The following ARL13A variants were observed in gnomAD, a reference collection of about 807,000 sequenced individuals.
The protein encoded by ARL13A is ARF like GTPase 13A, also known as ADP-ribosylation factor-like protein 13A.
A neutral mutation model predicts 19.1 loss-of-function variants in ARL13A; 16 were observed. The observed-to-expected ratio is 0.84, with a 90% CI of 0.57 to 1.27. The LOEUF (loss-of-function observed/expected upper bound fraction) is 1.27, where lower values mean the gene tolerates loss of function less well. ARL13A is among the 50% of genes most tolerant of loss of function. ARL13A has a pLI of 0.00. For missense variants in ARL13A, 153 were observed against 186.4 expected (o/e 0.82, Z 1.04); for synonymous variants, 69 against 71.3 (o/e 0.97, Z 0.17).
At chrX:100,983,262 C>G (rs1436775162) in intron 3 of ARL13A, among the ~76,000 whole-genome samples, 3 of 111,193 alleles carry the variant, frequency 2.7e-5, no homozygotes, top group Non-Finnish European at 5.7e-5. Context: ...AAAAAGAAAA[C>G]TAGGAAAAAA....
chrX:100,988,449 A>T lies in ARL13A; in HGVS notation c.744+166A>T, dbSNP rs377610002. 53 of 1,196,396 alleles carry T rather than the reference A, an allele frequency of 4.4e-5. No individual in the cohort carries two copies. The African/African-American group carries it at 7.4e-4, about 17-fold the overall frequency. On this transcript the variant is annotated intron_variant, in intron 7 of 7. Coordinates refer to ENST00000450049, the MANE Select transcript of ARL13A (RefSeq NM_001162491.2). Reference sequence around the variant, plus strand: ...TTGCTTTAGATGAACCCATGAAAGAAGGTGAATGTTCTAGGAGAATGAGAG... The same window carrying T: ...TTGCTTTAGATGAACCCATGAAAGATGGTGAATGTTCTAGGAGAATGAGAG...
At chrX:100,977,841 C>CT (rs1043319498) in intron 3 of ARL13A, among the ~76,000 whole-genome samples, 2 of 112,189 alleles carry the variant, frequency 1.8e-5, no homozygotes, top group Admixed American at 9.4e-5. Flanking sequence ...AGATCTTATT[C>CT]TTTTTTTATG....
chrX:100,987,965 A>G (rs1349103131), intron 6 of ARL13A, among the ~76,000 whole-genome samples: 1 of 112,036 alleles, frequency 8.9e-6, no homozygotes, highest in Non-Finnish European at 1.9e-5. Flanking sequence ...AATCCTCCCA[A>G]TAATGAGGAA....
Position 100,973,744 on chromosome X carries a change from C to A in ARL13A, c.55C>A (p.Arg19=). 8.3e-7 allele frequency: 1 copy of A among 1,209,793 alleles called. No individual in the cohort carries two copies. The highest frequency in any genetic ancestry group is 3.0e-5 in the East Asian group (1 of 33,850). The change falls in exon 2 of 8, where the codon CGA becomes AGA. Residue 19 remains arginine, a synonymous_variant. Coordinates refer to ENST00000450049, the MANE Select transcript of ARL13A (RefSeq NM_001162491.2). ...TTGCCTAAGGACAACAGAAGAGACA[C>A]GAAGGTAATATTACAATTATTTCCC... ...CSCLRTTEET[R]RNVTIPIIGL... is the part of the protein sequence containing the mutation.
chrX:100,987,579 T>A, intron 6 of ARL13A, 23 bp downstream of exon 6: 1 of 1,203,556 alleles, frequency 8.3e-7, no homozygotes, highest in Non-Finnish European at 1.1e-6. Context: ...CGCTATGAGA[T>A]TTGCTGATAA....
chrX:100,976,596 TTTG>T (rs1425674062), intron 3 of ARL13A, among the ~76,000 whole-genome samples: 1 of 111,861 alleles, frequency 8.9e-6, no homozygotes, highest in Non-Finnish European at 1.9e-5. Flanking sequence ...TGCAAATGTT[TTTG>T]TTGTTGTTGT....
intron 7 of ARL13A, 124 bp from the exon 8 acceptor site, chrX:100,990,438 C>G: frequency 4.1e-6 from 4 of 966,225 alleles, no homozygotes; most frequent in Non-Finnish European, 5.2e-6. Context: ...ATCTCCAGAA[C>G]TATCAGGACT....
At chrX:100,984,332 T>C (rs1228003387) in intron 3 of ARL13A, among the ~76,000 whole-genome samples, 2 of 109,362 alleles carry the variant, frequency 1.8e-5, no homozygotes, top group East Asian at 5.7e-4. Flanking sequence ...AAAGATGGGG[T>C]TTTGCCATGT....
chrX:100,990,820 C>A lies in ARL13A; in HGVS notation c.*232C>A. On this transcript the variant is annotated 3_prime_UTR_variant, in exon 8 of 8. Coordinates refer to ENST00000450049, the MANE Select transcript of ARL13A (RefSeq NM_001162491.2). ...GGATTGGCAAAAATAAATAGAACTT[C>A]TTTGCTGAGAATTATGCTCTACTGA... 1 of 360,436 alleles carries A rather than the reference C, an allele frequency of 2.8e-6. No homozygotes were observed. The highest frequency in any genetic ancestry group is 5.0e-5 in the South Asian group (1 of 19,820). The allele number at this position is 360,436 out of a possible 1,213,427, so 29.7% of individuals were successfully genotyped here. A position where few individuals can be genotyped will look rare whatever the true frequency, so the allele number is the denominator to read the frequency against.
intron 3 of ARL13A, among the ~76,000 whole-genome samples, chrX:100,985,054 G>C (rs1822631426): frequency 8.9e-6 from 1 of 112,129 alleles, no homozygotes; most frequent in South Asian, 3.7e-4. Flanking sequence ...CAGATGGCTG[G>C]TGTGTGGGAA....
At chrX:100,974,250 A>G in intron 3 of ARL13A, 53 bp downstream of exon 3, 2 of 929,596 alleles carry the variant, frequency 2.2e-6, no homozygotes, top group Non-Finnish European at 3.0e-6. Context: ...GGACCCCAGA[A>G]TCCAGTGAAA....
chrX:100,984,292 T>G (rs914795963), intron 3 of ARL13A, among the ~76,000 whole-genome samples: 10 of 103,860 alleles, frequency 9.6e-5, no homozygotes, highest in Non-Finnish European at 1.8e-4. Flanking sequence ...TTGTTTTTTG[T>G]TTTTTTTTTT....
intron 7 of ARL13A, among the ~76,000 whole-genome samples, chrX:100,989,529 G>A (rs2085990563): frequency 9.3e-6 from 1 of 107,930 alleles, no homozygotes; most frequent in Non-Finnish European, 1.9e-5. Flanking sequence ...AGAATCGCTT[G>A]AACCCAGGAG....
At chrX:100,988,861 T>TATCATATATATATATATATATATATG (rs1293571084) in intron 7 of ARL13A, among the ~76,000 whole-genome samples, 1 of 100,112 alleles carries the variant, frequency 1.0e-5, no homozygotes, top group African/African-American at 3.6e-5. Flanking sequence ...CATATATATA[T>TATCATATATATATATATATATATATG]ATATATATAT....
chrX:100,987,298 T>G, intron 5 of ARL13A, 92 bp from the exon 6 acceptor site: 2 of 927,225 alleles, frequency 2.2e-6, no homozygotes, highest in Non-Finnish European at 2.9e-6. Context: ...AGTTTATGTG[T>G]TCCTTCACTC....
intron 3 of ARL13A, among the ~76,000 whole-genome samples, chrX:100,977,521 C>T (rs976062438): frequency 7.3e-5 from 8 of 109,959 alleles, no homozygotes; most frequent in Admixed American, 9.7e-5. Context: ...GCTGGGATTA[C>T]AGGCGTGTGC....
chrX:100,990,221 C>A, intron 7 of ARL13A: 1 of 424,537 alleles, frequency 2.4e-6, no homozygotes, highest in Non-Finnish European at 3.0e-6. Context: ...CAGTCTATAC[C>A]CTGTTGGAAA....
chrX:100,981,385 G>A (rs1034326608), intron 3 of ARL13A, among the ~76,000 whole-genome samples: 1 of 111,336 alleles, frequency 9.0e-6, no homozygotes, highest in African/African-American at 3.3e-5. Flanking sequence ...TACAATCACT[G>A]CACTCTCTCT....
intron 3 of ARL13A, among the ~76,000 whole-genome samples, chrX:100,976,145 A>G (rs1228477030): frequency 1.8e-5 from 2 of 109,993 alleles, no homozygotes; most frequent in Non-Finnish European, 1.9e-5. Context: ...GATTATTGAA[A>G]AACGTGGGGA....
Sources: allele counts gnomAD v4.1 joint callset (sites outside exome capture counted in the v4.1 genomes callset), GRCh38; gene constraint gnomAD v4.1.1; transcripts MANE v1.5; gene names NCBI Gene and HGNC (gene_info 2026-07-23, HGNC 2026-07-21).